The following MAMLD1 variants were observed in gnomAD, a reference collection of about 807,000 sequenced individuals.
MAMLD1 encodes the protein mastermind-like domain-containing protein 1.
MAMLD1 carries 14 observed loss-of-function variants against 45.0 expected under a neutral mutation model. The observed-to-expected ratio is 0.31, with a 90% CI of 0.21 to 0.49. The LOEUF is 0.49. Among genes scored for constraint, MAMLD1 ranks in the 20% least tolerant of loss-of-function variants. The pLI, the probability that MAMLD1 is intolerant of heterozygous loss-of-function variation, is 0.99. For synonymous variants in MAMLD1, 254 were observed against 247.8 expected, an observed-to-expected ratio of 1.02 and a Z score of -0.24; for missense variants, 543 against 603.6, an observed-to-expected ratio of 0.90 and a Z score of 1.05.
At chrX:150,486,987 G>A (rs782450782) in intron 5 of MAMLD1, among the ~76,000 whole-genome samples, 53 of 111,346 alleles carry the variant, frequency 4.8e-4, no homozygotes, top group South Asian at 2.3e-3. Flanking sequence ...GTGGCCTGGA[G>A]AGCTTGTTAA....
At chrX:150,449,486 T>C (rs2035594068) in intron 2 of MAMLD1, among the ~76,000 whole-genome samples, 1 of 111,480 alleles carries the variant, frequency 9.0e-6, no homozygotes, top group African/African-American at 3.3e-5. Context: ...GGAGCTCTAG[T>C]CACCTCCTCC....
intron 1 of MAMLD1, among the ~76,000 whole-genome samples, chrX:150,420,299 T>G (rs9803482): frequency 0.058 from 4,494 of 77,018 alleles, 220 homozygotes; most frequent in African/African-American, 0.14. Flanking sequence ...TCAGCTCCTT[T>G]AAGCACTTCT....
At chrX:150,415,029 C>A (rs2034215560) in intron 1 of MAMLD1, among the ~76,000 whole-genome samples, 2 of 111,905 alleles carry the variant, frequency 1.8e-5, no homozygotes, top group African/African-American at 6.5e-5. Context: ...GAGACTTGAA[C>A]CCAGGGCTCC....
intron 1 of MAMLD1, among the ~76,000 whole-genome samples, chrX:150,403,969 A>AAAGAAAGAAAG: frequency 1.2e-5 from 1 of 80,133 alleles, no homozygotes; most frequent in Admixed American, 1.2e-4. Context: ...AGAAAGAAAG[A>AAAGAAAGAAAG]AAGAAAGAAA....
At chrX:150,484,325 T>A (rs782543823) in intron 5 of MAMLD1, among the ~76,000 whole-genome samples, 18 of 112,786 alleles carry the variant, frequency 1.6e-4, no homozygotes, top group Non-Finnish European at 3.2e-4. Context: ...TTTGTTTGCT[T>A]TGTTGACTTT....
At chrX:150,443,844 A>G (rs1402919474) in intron 1 of MAMLD1, among the ~76,000 whole-genome samples, 2 of 111,411 alleles carry the variant, frequency 1.8e-5, no homozygotes, top group Non-Finnish European at 3.8e-5. Flanking sequence ...ACTTCTTTAA[A>G]ATCCTTGTCA....
intron 1 of MAMLD1, among the ~76,000 whole-genome samples, chrX:150,424,155 G>C (rs959755603): frequency 9.8e-5 from 11 of 112,354 alleles, no homozygotes; most frequent in African/African-American, 3.6e-4. Context: ...TTCAGCACAT[G>C]GTCAGCTTGA....
At chrX:150,466,981 C>T (rs2036240988) in intron 3 of MAMLD1, among the ~76,000 whole-genome samples, 2 of 110,160 alleles carry the variant, frequency 1.8e-5, no homozygotes, top group African/African-American at 6.6e-5. Context: ...CCCTTCCCTC[C>T]CTTCCTTTCC....
chrX:150,477,360 G>C (rs12393921), intron 5 of MAMLD1, among the ~76,000 whole-genome samples: 4 of 112,451 alleles, frequency 3.6e-5, no homozygotes, highest in African/African-American at 1.3e-4. Context: ...CAGAACACCA[G>C]TAACCCAATG....
At chrX:150,370,228 G>C (rs1409049655) in intron 1 of MAMLD1, among the ~76,000 whole-genome samples, 1 of 110,267 alleles carries the variant, frequency 9.1e-6, no homozygotes, top group Non-Finnish European at 1.9e-5. Flanking sequence ...ACGCCACCGA[G>C]GGGTAACCTA....
chrX:150,370,451 C>G (rs2031882376), intron 1 of MAMLD1, among the ~76,000 whole-genome samples: 1 of 111,735 alleles, frequency 8.9e-6, no homozygotes, highest in Non-Finnish European at 1.9e-5. Context: ...GTAAAGGTGT[C>G]AAAGGAAGAA....
intron 1 of MAMLD1, among the ~76,000 whole-genome samples, chrX:150,443,858 A>G (rs1189758072): frequency 9.0e-6 from 1 of 111,693 alleles, no homozygotes; most frequent in East Asian, 2.8e-4. Context: ...CTTGTCAGGC[A>G]GTTCTGACAT....
At chrX:150,370,214 C>T (rs1352482313) in intron 1 of MAMLD1, among the ~76,000 whole-genome samples, 7 of 109,813 alleles carry the variant, frequency 6.4e-5, no homozygotes, top group African/African-American at 2.3e-4. Flanking sequence ...ATACACCTCT[C>T]ACAACGCCAC....
At chrX:150,506,997 G>A (rs781876123) in intron 6 of MAMLD1, among the ~76,000 whole-genome samples, 1 of 112,578 alleles carries the variant, frequency 8.9e-6, no homozygotes. Flanking sequence ...GGGGCTGGGA[G>A]GGGTGTGACA....
intron 6 of MAMLD1, among the ~76,000 whole-genome samples, chrX:150,508,392 T>G (rs1456502796): frequency 2.8e-5 from 3 of 107,784 alleles, no homozygotes; most frequent in Admixed American, 9.7e-5. Context: ...GCCAATGCTT[T>G]GGCAGGGAGA....
intron 1 of MAMLD1, among the ~76,000 whole-genome samples, chrX:150,403,992 G>T (rs2033926701): frequency 1.1e-5 from 1 of 93,305 alleles, no homozygotes; most frequent in Non-Finnish European, 2.2e-5. Context: ...AAGAAAGAAA[G>T]AAAGAAGAAA....
chrX:150,446,798 A>G (rs1352655801), intron 2 of MAMLD1, among the ~76,000 whole-genome samples: 2 of 112,631 alleles, frequency 1.8e-5, no homozygotes, highest in African/African-American at 6.5e-5. Context: ...TTTATATTTC[A>G]TGCTTCTCTT....
intron 1 of MAMLD1, among the ~76,000 whole-genome samples, chrX:150,423,290 G>A (rs1315776191): frequency 9.0e-6 from 1 of 110,591 alleles, no homozygotes; most frequent in Non-Finnish European, 1.9e-5. Flanking sequence ...TTCCTGTAGG[G>A]TAAGTCTAGG....
At chrX:150,488,612 T>A (rs1250923653) in intron 5 of MAMLD1, among the ~76,000 whole-genome samples, 1 of 113,214 alleles carries the variant, frequency 8.8e-6, no homozygotes, top group Non-Finnish European at 1.9e-5. Context: ...GTCTACAAAC[T>A]GACTAAAAGT....
Sources: gnomAD v4.1 joint callset for allele counts (sites outside exome capture counted in the v4.1 genomes callset) on GRCh38, gnomAD v4.1.1 for gene constraint, MANE v1.5 for transcripts, NCBI Gene and HGNC (gene_info 2026-07-23, HGNC 2026-07-21) for gene names.